CNTNAP2: variants seen among roughly 807,000 people sequenced by gnomAD.
CNTNAP2 encodes contactin-associated protein-like 2.
A neutral mutation model predicts 155.2 loss-of-function variants in CNTNAP2; 98 were observed. The ratio of observed to expected loss-of-function variants is 0.63; its 90% CI spans 0.54 to 0.75. CNTNAP2 has a LOEUF of 0.75. CNTNAP2 is among the 30% of genes least tolerant of loss of function. The pLI is 0.00. For missense variants in CNTNAP2, 1,727 were observed against 1,688.1 expected (o/e 1.02, Z -0.40); for synonymous variants, 651 against 631.2 (o/e 1.03, Z -0.47).
At chr7:147,878,087 T>C (rs1799454183) in intron 13 of CNTNAP2, among the ~76,000 whole-genome samples, 1 of 152,186 alleles carries the variant, frequency 6.6e-6, no homozygotes, top group African/African-American at 2.4e-5. Flanking sequence ...TAGTAACATT[T>C]TTCCAGCCAT....
intron 22 of CNTNAP2, among the ~76,000 whole-genome samples, chr7:148,390,573 C>CATACCTATACCAGGATGTTTGT (rs1799323678): frequency 6.6e-6 from 1 of 150,650 alleles, no homozygotes; most frequent in African/African-American, 2.5e-5. Context: ...AGGATGTTTG[C>CATACCTATACCAGGATGTTTGT]ATACCTATAC....
chr7:148,176,918 A>C (rs1794948248), intron 18 of CNTNAP2, among the ~76,000 whole-genome samples: 1 of 152,216 alleles, frequency 6.6e-6, no homozygotes, highest in South Asian at 2.1e-4. Context: ...GTCATGCCAA[A>C]GATAGTTTTC....
chr7:146,221,096 T>G (rs1240673875), intron 1 of CNTNAP2, among the ~76,000 whole-genome samples: 2 of 152,148 alleles, frequency 1.3e-5, no homozygotes, highest in Non-Finnish European at 2.9e-5. Context: ...TCTGCATGAG[T>G]TGAATCACTC....
intron 2 of CNTNAP2, among the ~76,000 whole-genome samples, chr7:146,826,263 G>GT (rs1046432361): frequency 6.6e-6 from 1 of 151,992 alleles, no homozygotes; most frequent in Non-Finnish European, 1.5e-5. Context: ...AACTAAAGCT[G>GT]TTTTTTGCAC....
At chr7:148,129,861 A>C (rs1278057179) in intron 16 of CNTNAP2, among the ~76,000 whole-genome samples, 2 of 152,272 alleles carry the variant, frequency 1.3e-5, no homozygotes, top group East Asian at 3.8e-4. Flanking sequence ...ACAGCCAAGC[A>C]GCACCTTAAC....
chr7:148,333,778 G>A (rs1346977294), intron 21 of CNTNAP2, among the ~76,000 whole-genome samples: 1 of 152,230 alleles, frequency 6.6e-6, no homozygotes, highest in Non-Finnish European at 1.5e-5. Flanking sequence ...AACTCCTGGA[G>A]AGGCTCTTTC....
chr7:146,925,654 G>C (rs1417997554), intron 3 of CNTNAP2, among the ~76,000 whole-genome samples: 1 of 152,070 alleles, frequency 6.6e-6, no homozygotes, highest in Non-Finnish European at 1.5e-5. Context: ...AGGAAAACTG[G>C]TCTCAGAGCA....
Position 148,283,079 on chromosome 7 carries a change from A to C in CNTNAP2, c.3475+15953A>C, listed in dbSNP as rs570107178. 1.7e-4 allele frequency among the ~76,000 whole-genome samples: 26 copies of C among 151,826 alleles called. 2 individuals carry two copies. In the Middle Eastern group the frequency reaches 0.01, roughly 60 times the overall value. ...GTGAAATCCCATCTCTACTTTAAAA[A>C]ACTACAAAAATTAGCCAGGTATGGT... On this transcript the variant is annotated intron_variant, in intron 21 of 23. Transcript: ENST00000361727.
In CNTNAP2 at chr7:146,879,378, AAATT is replaced by A. The variant is rs1795492735; in HGVS notation, c.402+39476_402+39479del. 6.6e-5 allele frequency among the ~76,000 whole-genome samples: 10 copies of A among 152,266 alleles called. No homozygotes were observed. In the South Asian group the frequency reaches 2.1e-3, roughly 32 times the overall value. On this transcript the variant is annotated intron_variant, in intron 3 of 23. Transcript: ENST00000361727. ...ATATCATGTTAGTAAACATGTTTTA[AAATT>A]ATTTTAATGTTACATTTGATAAGCT...
intron 13 of CNTNAP2, among the ~76,000 whole-genome samples, chr7:147,852,581 A>G (rs1380381096): frequency 6.6e-6 from 1 of 152,192 alleles, no homozygotes; most frequent in African/African-American, 2.4e-5. Context: ...TTCCTTAAAG[A>G]TTACATTTTT....
chr7:147,171,173 C>T (rs1290278700), intron 8 of CNTNAP2, among the ~76,000 whole-genome samples: 1 of 152,204 alleles, frequency 6.6e-6, no homozygotes, highest in African/African-American at 2.4e-5. Flanking sequence ...GCTCTTCACT[C>T]ACCCCTTCCT....
chr7:146,846,031 A>G (rs1210255999), intron 3 of CNTNAP2, among the ~76,000 whole-genome samples: 4 of 152,218 alleles, frequency 2.6e-5, no homozygotes, highest in East Asian at 1.9e-4. Flanking sequence ...TATAAATGCC[A>G]TTCTGTTACA....
chr7:146,425,501 C>T (rs973778027), intron 1 of CNTNAP2, among the ~76,000 whole-genome samples: 1 of 152,142 alleles, frequency 6.6e-6, no homozygotes, highest in Non-Finnish European at 1.5e-5. Flanking sequence ...GCTGTGGTCC[C>T]TTCTCTACCA....
intron 1 of CNTNAP2, among the ~76,000 whole-genome samples, chr7:146,355,322 G>A (rs910503035): frequency 3.3e-5 from 5 of 152,154 alleles, no homozygotes; most frequent in African/African-American, 1.2e-4. Context: ...CCAACAGGGG[G>A]TGTGCTAATA....
intron 10 of CNTNAP2, among the ~76,000 whole-genome samples, chr7:147,476,526 T>G (rs1220068632): frequency 1.3e-5 from 2 of 152,210 alleles, no homozygotes; most frequent in Non-Finnish European, 2.9e-5. Flanking sequence ...GCTTCCTCTC[T>G]CTATCTCTCA....
At chr7:147,707,037 T>G (rs1361641439) in intron 13 of CNTNAP2, among the ~76,000 whole-genome samples, 2 of 152,194 alleles carry the variant, frequency 1.3e-5, no homozygotes, top group Non-Finnish European at 2.9e-5. Flanking sequence ...ATTCTGAATT[T>G]TTTTTCTGAT....
intron 12 of CNTNAP2, among the ~76,000 whole-genome samples, chr7:147,635,563 T>A (rs1200835684): frequency 6.6e-6 from 1 of 152,156 alleles, no homozygotes; most frequent in East Asian, 1.9e-4. Flanking sequence ...ATATAACAGA[T>A]AATGCATAGG....
At position 148,398,830 on chromosome 7, in the gene CNTNAP2, G is replaced by A. The variant is rs560887659; in HGVS notation, c.3716-10561G>A. Among the ~76,000 whole-genome samples, 11 of 152,318 alleles carry A rather than the reference G, an allele frequency of 7.2e-5. No homozygotes were observed. The South Asian group carries it at 1.2e-3, about 17-fold the overall frequency. ...GGTCTCCTGAAGACTTTCATCTTATGAATTGTGCGAATCCCTGACCACTGC... is the reference window on the plus strand; with the variant it reads ...GGTCTCCTGAAGACTTTCATCTTATAAATTGTGCGAATCCCTGACCACTGC... On this transcript the variant is annotated intron_variant, in intron 22 of 23. Transcript: ENST00000361727.
rs559651460 is a variant in CNTNAP2 at position 148,030,844 on chromosome 7, T to A, written c.2383+52855T>A. The stretch of plus-strand genomic sequence containing the variant: ...TCAAGGGAACCATAAACCTGAAATC[T>A]GGGAGAGCAGTTTCATCTGAGTCAG... On this transcript the variant is annotated intron_variant, in intron 15 of 23. Transcript: ENST00000361727. Among the ~76,000 whole-genome samples, 322 of 152,250 alleles carry A rather than the reference T, an allele frequency of 2.1e-3. 1 individual carries two copies. The highest frequency in any genetic ancestry group is 4.0e-3 in the Non-Finnish European group (271 of 68,002).
Sources: allele counts gnomAD v4.1 joint callset (sites outside exome capture counted in the v4.1 genomes callset), GRCh38; gene constraint gnomAD v4.1.1; transcripts MANE v1.5; gene names NCBI Gene and HGNC (gene_info 2026-07-23, HGNC 2026-07-21).